Variants in ST6GAL1 observed in about 807,000 individuals in gnomAD.
ST6GAL1 encodes the protein ST6 beta-galactoside alpha-2,6-sialyltransferase 1, also known as beta-galactoside alpha-2,6-sialyltransferase 1.
Under a neutral mutation model 38.0 loss-of-function variants are expected in ST6GAL1, and 20 were observed. That is an observed-to-expected ratio of 0.53 (90% confidence interval 0.37 to 0.77). The LOEUF is 0.77. Ranked by LOEUF, ST6GAL1 falls within the 30% of genes least tolerant of loss-of-function variation. ST6GAL1 has a pLI of 0.00. For synonymous variants in ST6GAL1, 196 were observed against 188.2 expected (o/e 1.04, Z -0.34); for missense variants, 432 against 496.4 (o/e 0.87, Z 1.23).
intron 1 of ST6GAL1, among the ~76,000 whole-genome samples, chr3:186,944,603 G>A (rs993727961): frequency 6.6e-6 from 1 of 152,016 alleles, no homozygotes; most frequent in Non-Finnish European, 1.5e-5. Flanking sequence ...AAGACATTGG[G>A]GATAAAAACA....
Position 187,042,719 on chromosome 3 carries a change from C to G in ST6GAL1, c.16C>G (p.Leu6Val). 1 of 1,611,116 alleles carries G rather than the reference C, an allele frequency of 6.2e-7. No homozygotes were observed. Among genetic ancestry groups the G allele is most frequent in the South Asian group, 1.1e-5 (1 of 90,666 alleles). Residue 6 changes from leucine to valine, a missense_variant, in exon 4 of 8, where the codon CTG (leucine) becomes GTG (valine). Coordinates refer to ENST00000169298, the MANE Select transcript of ST6GAL1 (RefSeq NM_173216.2). MIHTN[L>V]KKKFSCCVLV... ...CATCTTCATTATGATTCACACCAAC[C>G]TGAAGAAAAAGTTCAGCTGCTGCGT...
chr3:187,056,163 A>T (rs1338637564), intron 5 of ST6GAL1, among the ~76,000 whole-genome samples: 1 of 151,666 alleles, frequency 6.6e-6, no homozygotes. Flanking sequence ...TGCTTGGTAG[A>T]TCTTCCTCCA....
intron 2 of ST6GAL1, among the ~76,000 whole-genome samples, chr3:186,966,653 C>T (rs1288793204): frequency 6.6e-6 from 1 of 152,216 alleles, no homozygotes; most frequent in African/African-American, 2.4e-5. Flanking sequence ...TTTCAAACCC[C>T]AAGGTCTCTT....
intron 2 of ST6GAL1, among the ~76,000 whole-genome samples, chr3:186,990,401 A>T (rs924530931): frequency 6.6e-6 from 1 of 152,214 alleles, no homozygotes; most frequent in African/African-American, 2.4e-5. Flanking sequence ...CTTAATGATC[A>T]TTAGAGCGAG....
intron 1 of ST6GAL1, among the ~76,000 whole-genome samples, chr3:186,945,945 C>T (rs1348189266): frequency 1.4e-5 from 2 of 142,154 alleles, no homozygotes; most frequent in African/African-American, 5.2e-5. Flanking sequence ...GAGCCGAGAT[C>T]GCGCCACTGC....
At chr3:186,935,894 A>G (rs1713934135) in intron 1 of ST6GAL1, among the ~76,000 whole-genome samples, 1 of 152,202 alleles carries the variant, frequency 6.6e-6, no homozygotes, top group Admixed American at 6.5e-5. Context: ...CTAGTAAAAA[A>G]AAAAAGAAAA....
At chr3:187,059,277 G>T (rs902964633) in intron 5 of ST6GAL1, among the ~76,000 whole-genome samples, 2 of 152,164 alleles carry the variant, frequency 1.3e-5, no homozygotes, top group African/African-American at 2.4e-5. Flanking sequence ...GCCTTGCCCC[G>T]TAGAGAGAGA....
chr3:186,976,837 T>A (rs902599360), intron 2 of ST6GAL1, among the ~76,000 whole-genome samples: 1 of 152,264 alleles, frequency 6.6e-6, no homozygotes, highest in African/African-American at 2.4e-5. Flanking sequence ...GTATAGTTAC[T>A]AACTGGTGCT....
intron 2 of ST6GAL1, among the ~76,000 whole-genome samples, chr3:186,983,526 G>A (rs1336051524): frequency 6.6e-6 from 1 of 152,134 alleles, no homozygotes; most frequent in Admixed American, 6.5e-5. Flanking sequence ...TGATCCAGGG[G>A]CACTCAGGGT....
intron 5 of ST6GAL1, among the ~76,000 whole-genome samples, chr3:187,061,780 G>C (rs917530018): frequency 5.9e-5 from 9 of 152,070 alleles, no homozygotes; most frequent in African/African-American, 2.2e-4. Context: ...AGACAACATA[G>C]GGCAAAAACT....
chr3:186,989,907 T>G (rs1716097636), intron 2 of ST6GAL1, among the ~76,000 whole-genome samples: 1 of 152,226 alleles, frequency 6.6e-6, no homozygotes, highest in Admixed American at 6.5e-5. Flanking sequence ...ACACTCTTAC[T>G]TCACAGGAAC....
At chr3:186,967,199 C>T (rs73187774) in intron 2 of ST6GAL1, among the ~76,000 whole-genome samples, 11,454 of 151,922 alleles carry the variant, frequency 0.075, 607 homozygotes, top group Non-Finnish European at 0.1. Context: ...TTTGTTTGTT[C>T]GTTTGTTTTT....
At chr3:187,051,464 A>G in intron 5 of ST6GAL1, 118 bp downstream of exon 5, 1 of 828,624 alleles carries the variant, frequency 1.2e-6, no homozygotes. Context: ...GATCTTCCTG[A>G]GTTCCTGATT....
intron 5 of ST6GAL1, among the ~76,000 whole-genome samples, chr3:187,051,719 C>T (rs570607482): frequency 4.2e-4 from 64 of 152,168 alleles, no homozygotes; most frequent in African/African-American, 1.3e-3. Context: ...CAGGAGAGCA[C>T]TTTATGAACC....
intron 5 of ST6GAL1, among the ~76,000 whole-genome samples, chr3:187,063,484 C>T (rs1481881305): frequency 6.6e-6 from 1 of 152,204 alleles, no homozygotes; most frequent in Non-Finnish European, 1.5e-5. Context: ...GATTTCCAGG[C>T]CATGCTGGGC....
At chr3:187,017,467 G>A (rs1194979661) in intron 2 of ST6GAL1, among the ~76,000 whole-genome samples, 1 of 151,562 alleles carries the variant, frequency 6.6e-6, no homozygotes, top group African/African-American at 2.4e-5. Flanking sequence ...CACCTTCATG[G>A]CTGTGAGATT....
chr3:187,019,555 A>G lies in ST6GAL1; in HGVS notation c.-182-19187A>G, dbSNP rs186270781. Among the ~76,000 whole-genome samples the G allele has an allele frequency of 6.6e-5, 10 of 152,378 alleles. No individual in the cohort carries two copies. In the East Asian group the frequency reaches 1.7e-3, roughly 26 times the overall value. ...ATTTACAGCAATAACTATATGGCAGAAGGAGCAAACTTCTTGTGGGGCAGC... is the reference window on the plus strand; with the variant it reads ...ATTTACAGCAATAACTATATGGCAGGAGGAGCAAACTTCTTGTGGGGCAGC... On this transcript the variant is annotated intron_variant, in intron 2 of 7. Transcript: ENST00000169298.
At chr3:186,996,848 C>G (rs1047463807) in intron 2 of ST6GAL1, among the ~76,000 whole-genome samples, 1 of 151,790 alleles carries the variant, frequency 6.6e-6, no homozygotes, top group Non-Finnish European at 1.5e-5. Context: ...ACGTGTCCCC[C>G]GCTTCTTGCC....
intron 2 of ST6GAL1, among the ~76,000 whole-genome samples, chr3:187,023,311 C>A (rs1044995937): frequency 6.6e-6 from 1 of 152,196 alleles, no homozygotes; most frequent in Non-Finnish European, 1.5e-5. Flanking sequence ...CAGTTATCTC[C>A]TTGCAAAGCA....
Sources: gnomAD v4.1 joint callset for allele counts (sites outside exome capture counted in the v4.1 genomes callset) on GRCh38, gnomAD v4.1.1 for gene constraint, MANE v1.5 for transcripts, NCBI Gene and HGNC (gene_info 2026-07-23, HGNC 2026-07-21) for gene names.